FLT4: variants seen among roughly 807,000 people sequenced by gnomAD.
FLT4 encodes the protein fms related receptor tyrosine kinase 4.
Under a neutral mutation model 163.2 loss-of-function variants are expected in FLT4, and 30 were observed. The ratio of observed to expected loss-of-function variants is 0.18; its 90% CI spans 0.14 to 0.25. FLT4 has a LOEUF of 0.25. Ranked by LOEUF, FLT4 falls within the 10% of genes least tolerant of loss-of-function variation. The probability of loss-of-function intolerance (pLI) is 1.00; values close to 1 mark genes in which losing one functional copy is unlikely to be tolerated. For missense variants in FLT4, 1,510 were observed against 1,863.8 expected (o/e 0.81, Z 3.50); for synonymous variants, 884 against 789.5 (o/e 1.12, Z -2.01).
At chr5:180,609,362 A>G (rs953734939) in intron 28 of FLT4, 1 of 495,636 alleles carries the variant, frequency 2.0e-6, no homozygotes, top group South Asian at 2.3e-5. Context: ...AGAAGCAGGG[A>G]GAGGCCTCAC....
rs1763161596 is a variant in FLT4, at chr5:180,621,717, C to G, written c.1845G>C (p.Leu615=). 1.2e-6 allele frequency: 2 copies of G among 1,612,836 alleles called. No individual in the cohort carries two copies. The highest frequency in any genetic ancestry group is 1.3e-5 in the African/African-American group (1 of 74,944). The change falls in exon 13 of 30, where the codon CTG becomes CTC. Residue 615 remains leucine, a synonymous_variant. Coordinates refer to ENST00000261937, the MANE Select transcript of FLT4 (RefSeq NM_182925.5). ...GGCTGGCGGCCAGAGGGGTGGCGAA[C>G]AGATGCACGTTCTTGCAGTCGAGCA... The part of the protein sequence containing the change: ...PLLLDCKNVH[L]FATPLAASLE...
intron 11 of FLT4, 112 bp from the exon 12 acceptor site, chr5:180,622,951 C>T: frequency 1.3e-6 from 1 of 760,494 alleles, no homozygotes; most frequent in Admixed American, 2.0e-5. Flanking sequence ...ATGGGGGAAA[C>T]TGAGGCTTTG....
intron 29 of FLT4, among the ~76,000 whole-genome samples, chr5:180,605,849 A>C (rs1761752995): frequency 6.6e-6 from 1 of 152,234 alleles, no homozygotes; most frequent in African/African-American, 2.4e-5. Flanking sequence ...AGCCACATCT[A>C]TAGGTACGGG....
At chr5:180,613,848 C>T in intron 24 of FLT4, 2 of 616,534 alleles carry the variant, frequency 3.2e-6, no homozygotes, top group Non-Finnish European at 6.0e-6. Context: ...TCAATGTGCA[C>T]CCCACAGAGG....
At chr5:180,640,256 C>T (rs973249402) in intron 1 of FLT4, among the ~76,000 whole-genome samples, 10 of 152,206 alleles carry the variant, frequency 6.6e-5, no homozygotes, top group African/African-American at 2.4e-4. Flanking sequence ...CTCACAGCAG[C>T]CTGGGAGGGA....
At position 180,618,819 on chromosome 5, in the gene FLT4, C is replaced by T. The variant is rs753103345; in HGVS notation, c.2952G>A (p.Arg984=). The part of the protein sequence containing the change: ...PGSSDRVLFA[R]FSKTEGGARR... ...TCGCTCCGCCCTCGGTCTTCGAGAA[C>T]CGCGCGAAGAGGACCCTGTCGCTGC... The change falls in exon 21 of 30, where the codon CGG becomes CGA. Residue 984 remains arginine, a synonymous_variant. Transcript: ENST00000261937. 5.7e-6 allele frequency: 9 copies of T among 1,586,092 alleles called. No homozygotes were observed. Among genetic ancestry groups the T allele is most frequent in the Non-Finnish European group, 7.7e-6 (9 of 1,167,006 alleles).
intron 1 of FLT4, among the ~76,000 whole-genome samples, chr5:180,642,063 C>T (rs1192388462): frequency 6.6e-6 from 1 of 152,004 alleles, no homozygotes; most frequent in Non-Finnish European, 1.5e-5. Flanking sequence ...AAAAATTAGC[C>T]CAGTGTGGTG....
intron 2 of FLT4, 106 bp downstream of exon 2, chr5:180,631,576 C>A (rs1244463835): frequency 4.3e-6 from 4 of 930,164 alleles, no homozygotes. Flanking sequence ...CCACTCTGCC[C>A]TGACTCTGCC....
intron 29 of FLT4, among the ~76,000 whole-genome samples, chr5:180,606,010 A>T (rs6879440): frequency 4.0e-5 from 6 of 151,858 alleles, no homozygotes; most frequent in East Asian, 1.9e-4. Flanking sequence ...CCCACACCCC[A>T]CCAAGGCACA....
rs1485150621 is a variant in FLT4 at position 180,602,000 on chromosome 5, G to C, written c.*1192C>G. 4.3e-6 allele frequency: 1 copy of C among 233,444 alleles called. No homozygotes were observed. Among genetic ancestry groups the C allele is most frequent in the East Asian group, 6.0e-5 (1 of 16,608 alleles). 14.5% of individuals were successfully genotyped at this position (233,444 alleles called of 1,614,324 possible). On this transcript the variant is annotated 3_prime_UTR_variant, in exon 30 of 30. Coordinates refer to ENST00000261937, the MANE Select transcript of FLT4 (RefSeq NM_182925.5). ...TGAGATGGTTGGGCACTGTGAGCTG[G>C]GATAGGGGTCCTGAGCAGAATGCCT...
At position 180,602,188 on chromosome 5, in the gene FLT4, C is replaced by T. The variant is rs1761550943; in HGVS notation, c.*1004G>A. 4.2e-6 allele frequency: 1 copy of T among 235,392 alleles called. No homozygotes were observed. Among genetic ancestry groups the T allele is most frequent in the Non-Finnish European group, 8.4e-6 (1 of 119,756 alleles). 14.6% of individuals were successfully genotyped at this position (235,392 alleles called of 1,614,324 possible). ...GGCAATGCTGGGTGGTCCTTTGTGC[C>T]AGCCCCGAGCCTTCCTGAGTGGATC... On this transcript the variant is annotated 3_prime_UTR_variant, in exon 30 of 30. Transcript: ENST00000261937.
At chr5:180,609,599 G>T in intron 28 of FLT4, 1 of 417,478 alleles carries the variant, frequency 2.4e-6, no homozygotes, top group Non-Finnish European at 4.5e-6. Context: ...TCTGCCCAGC[G>T]CTCACTGACC....
At chr5:180,622,910 A>T in intron 11 of FLT4, 71 bp from the exon 12 acceptor site, 2 of 1,021,144 alleles carry the variant, frequency 2.0e-6, no homozygotes, top group Non-Finnish European at 1.5e-6. Context: ...TCTTTCTGCA[A>T]GGAGGTCGCT....
Position 180,629,096 on chromosome 5 carries a change from A to G in FLT4, c.986-97T>C, listed in dbSNP as rs949661823. On this transcript the variant is annotated intron_variant, in intron 7 of 29. Transcript: ENST00000261937. ...GCCCCTGCAGCCCCGGCAGCCGGAC[A>G]TCCGCAGACTGGGGCTGGCCATGCC... 10 of 1,439,856 alleles carry G rather than the reference A, an allele frequency of 6.9e-6. No homozygotes were observed. In the African/African-American group the frequency reaches 1.1e-4, roughly 16 times the overall value. The allele number at this position is 1,439,856 out of a possible 1,614,324, so 89.2% of individuals were successfully genotyped here.
intron 10 of FLT4, 123 bp downstream of exon 10, chr5:180,625,746 C>A: frequency 4.4e-6 from 4 of 905,694 alleles, no homozygotes; most frequent in South Asian, 4.3e-5. Context: ...AAGTTCAGAG[C>A]AGGGCCCTGA....
chr5:180,638,313 G>A (rs563084242), intron 1 of FLT4, among the ~76,000 whole-genome samples: 3 of 152,182 alleles, frequency 2.0e-5, no homozygotes, highest in African/African-American at 7.2e-5. Flanking sequence ...CCCCACCAAA[G>A]GCTCCTCCCT....
At chr5:180,626,918 G>A (rs769292288) in intron 8 of FLT4, among the ~76,000 whole-genome samples, 1 of 152,244 alleles carries the variant, frequency 6.6e-6, no homozygotes, top group Non-Finnish European at 1.5e-5. Context: ...GGGTGGGGGC[G>A]TGCAGCCTTC....
intron 6 of FLT4, 113 bp from the exon 7 acceptor site, chr5:180,629,540 G>T: frequency 6.7e-7 from 1 of 1,486,896 alleles, no homozygotes; most frequent in Non-Finnish European, 9.2e-7. Context: ...CTGGACCCAG[G>T]CCCTGAGTTT....
intron 1 of FLT4, among the ~76,000 whole-genome samples, chr5:180,641,467 C>T (rs1225648841): frequency 2.6e-5 from 4 of 152,224 alleles, no homozygotes; most frequent in South Asian, 2.1e-4. Flanking sequence ...CAGCTGGACA[C>T]ACACTTTCTG....
Sources: allele counts gnomAD v4.1 joint callset (sites outside exome capture counted in the v4.1 genomes callset), GRCh38; gene constraint gnomAD v4.1.1; transcripts MANE v1.5; gene names NCBI Gene and HGNC (gene_info 2026-07-23, HGNC 2026-07-21).